The following WDR41 variants were observed in gnomAD, a reference collection of about 807,000 sequenced individuals.
The protein encoded by WDR41 is WD repeat domain 41.
Under a neutral mutation model 69.3 loss-of-function variants are expected in WDR41, and 63 were observed. That is an observed-to-expected ratio of 0.91 (90% confidence interval 0.74 to 1.12). The LOEUF (loss-of-function observed/expected upper bound fraction) is 1.12. WDR41 is among the 50% of genes most tolerant of loss of function. WDR41 has a pLI of 0.00. For synonymous variants in WDR41, 185 were observed against 192.1 expected (o/e 0.96, Z 0.31); for missense variants, 543 against 534.5 (o/e 1.02, Z -0.16).
intron 1 of WDR41, among the ~76,000 whole-genome samples, chr5:77,556,095 C>CA (rs1743385450): frequency 1.7e-5 from 1 of 57,690 alleles, no homozygotes; most frequent in South Asian, 7.4e-4. Context: ...AAAAGATGGA[C>CA]TTTTTTTTTT....
At chr5:77,464,628 T>C in intron 3 of WDR41, 133 bp downstream of exon 3, 1 of 884,394 alleles carries the variant, frequency 1.1e-6, no homozygotes, top group East Asian at 2.7e-5. Context: ...TTATCCTAAT[T>C]AGCTCTTTTC....
chr5:77,444,431 C>T lies in WDR41; in HGVS notation c.698-3434G>A, dbSNP rs187282917. Among the ~76,000 whole-genome samples the T allele has an allele frequency of 3.3e-3, 503 of 152,284 alleles. 3 individuals are homozygous for T. The highest frequency in any genetic ancestry group is 6.8e-3 in the Middle Eastern group (2 of 294). On this transcript the variant is annotated intron_variant, in intron 8 of 12. Transcript: ENST00000296679. Reference sequence around the variant, plus strand: ...GAAAAGGAATAAAATAAAGGAGCACCCAGAGCCTTCTGCCTGGAGAGATTA... The same window carrying T: ...GAAAAGGAATAAAATAAAGGAGCACTCAGAGCCTTCTGCCTGGAGAGATTA...
chr5:77,582,155 A>G (rs1207795585), intron 1 of WDR41, among the ~76,000 whole-genome samples: 1 of 152,200 alleles, frequency 6.6e-6, no homozygotes, highest in Admixed American at 6.5e-5. Flanking sequence ...AAGAGGGAAC[A>G]TTATTACCAA....
At chr5:77,488,380 A>G (rs957075097) in intron 2 of WDR41, among the ~76,000 whole-genome samples, 6 of 152,102 alleles carry the variant, frequency 3.9e-5, no homozygotes, top group African/African-American at 9.7e-5. Flanking sequence ...GTGGGAAGAC[A>G]GCTTGAGCCC....
intron 2 of WDR41, among the ~76,000 whole-genome samples, chr5:77,475,227 G>C (rs1173049378): frequency 6.6e-6 from 1 of 152,208 alleles, no homozygotes; most frequent in Non-Finnish European, 1.5e-5. Flanking sequence ...CAAGGCAGCA[G>C]CCAGGCTGGG....
intron 3 of WDR41, 58 bp downstream of exon 3, chr5:77,464,703 C>T (rs1449077594): frequency 1.1e-5 from 16 of 1,498,776 alleles, no homozygotes; most frequent in Non-Finnish European, 1.5e-5. Context: ...TATATGAATA[C>T]ATACTCAACT....
chr5:77,563,840 G>A (rs1743568092), intron 1 of WDR41, among the ~76,000 whole-genome samples: 1 of 152,134 alleles, frequency 6.6e-6, no homozygotes, highest in African/African-American at 2.4e-5. Flanking sequence ...CCTACTTTCA[G>A]TAGACTGCTT....
At chr5:77,478,251 G>C in intron 2 of WDR41, among the ~76,000 whole-genome samples, 1 of 152,178 alleles carries the variant, frequency 6.6e-6, no homozygotes, top group Non-Finnish European at 1.5e-5. Flanking sequence ...GTGGTACAAG[G>C]AGGAACTGGT....
intron 11 of WDR41, among the ~76,000 whole-genome samples, chr5:77,436,815 T>G (rs975289340): frequency 6.6e-6 from 1 of 152,198 alleles, no homozygotes. Flanking sequence ...AACAACTAGG[T>G]ACCAGCATCT....
intron 1 of WDR41, among the ~76,000 whole-genome samples, chr5:77,533,639 G>T (rs148418488): frequency 0.011 from 1,600 of 152,128 alleles, 30 homozygotes; most frequent in African/African-American, 0.036. Flanking sequence ...AGCCTGAAAT[G>T]GATGATGATG....
At chr5:77,599,325 T>C (rs907877375) in intron 1 of WDR41, among the ~76,000 whole-genome samples, 1 of 149,858 alleles carries the variant, frequency 6.7e-6, no homozygotes, top group African/African-American at 2.4e-5. Flanking sequence ...CTCAGCCTCC[T>C]GAGTAGTTGG....
intron 1 of WDR41, among the ~76,000 whole-genome samples, chr5:77,563,506 T>G (rs1007175001): frequency 1.3e-5 from 2 of 152,232 alleles, no homozygotes; most frequent in Admixed American, 1.3e-4. Flanking sequence ...TTGAAGTATT[T>G]GAAGTCATTC....
chr5:77,553,361 A>T (rs1256324288), intron 1 of WDR41, among the ~76,000 whole-genome samples: 1 of 152,096 alleles, frequency 6.6e-6, no homozygotes, highest in Non-Finnish European at 1.5e-5. Flanking sequence ...AGCTGAAGGG[A>T]TGTAAAGGGC....
chr5:77,612,103 ATC>A (rs972386004), intron 1 of WDR41, among the ~76,000 whole-genome samples: 23 of 152,338 alleles, frequency 1.5e-4, no homozygotes, highest in African/African-American at 4.1e-4. Flanking sequence ...AAGAAGTTGA[ATC>A]TCTGAATAGA....
At chr5:77,466,696 G>C (rs758579949) in intron 2 of WDR41, among the ~76,000 whole-genome samples, 8 of 151,658 alleles carry the variant, frequency 5.3e-5, no homozygotes, top group Non-Finnish European at 7.4e-5. Context: ...TCTAAATAAG[G>C]CTCAATAGTA....
At chr5:77,553,258 T>C (rs1254155269) in intron 1 of WDR41, among the ~76,000 whole-genome samples, 7 of 152,160 alleles carry the variant, frequency 4.6e-5, no homozygotes, top group Non-Finnish European at 8.8e-5. Flanking sequence ...TCACCAGCAT[T>C]TGGTATCTGG....
At chr5:77,514,839 A>T (rs529087506) in intron 1 of WDR41, among the ~76,000 whole-genome samples, 1 of 152,342 alleles carries the variant, frequency 6.6e-6, no homozygotes, top group East Asian at 1.9e-4. Flanking sequence ...GTATTTGTGT[A>T]TCTAAACATA....
chr5:77,585,684 G>A lies in WDR41; in HGVS notation c.42+34795C>T, dbSNP rs569674102. Among the ~76,000 whole-genome samples, 226 of 152,318 alleles carry A rather than the reference G, an allele frequency of 1.5e-3. 2 individuals carry two copies. The highest frequency in any genetic ancestry group is 5.3e-3 in the African/African-American group (222 of 41,566). On this transcript the variant is annotated intron_variant, in intron 1 of 5. Transcript: ENST00000509971. ...TAACAGCATTCACAGTGACCTGGAT[G>A]AGATTGGAGACTATTATTCTAAGTG...
chr5:77,549,595 C>T (rs1451015190), intron 1 of WDR41, among the ~76,000 whole-genome samples: 1 of 152,008 alleles, frequency 6.6e-6, no homozygotes, highest in African/African-American at 2.4e-5. Context: ...AGGAGAACTA[C>T]AAAATGCTGC....
Sources: allele counts gnomAD v4.1 joint callset (sites outside exome capture counted in the v4.1 genomes callset), GRCh38; gene constraint gnomAD v4.1.1; transcripts MANE v1.5; gene names NCBI Gene and HGNC (gene_info 2026-07-23, HGNC 2026-07-21).